Variants in PDZRN3 observed in about 807,000 individuals in gnomAD.
The protein encoded by PDZRN3 is E3 ubiquitin-protein ligase PDZRN3.
PDZRN3 carries 38 observed loss-of-function variants against 85.7 expected under a neutral mutation model. That is an observed-to-expected ratio of 0.44 (90% confidence interval 0.34 to 0.58). The LOEUF is 0.58. Ranked by LOEUF, PDZRN3 falls within the 20% of genes least tolerant of loss-of-function variation. The pLI, the probability that PDZRN3 is intolerant of heterozygous loss-of-function variation, is 0.01. For missense variants in PDZRN3, 1,629 were observed against 1,506.4 expected (o/e 1.08, Z -1.35); for synonymous variants, 759 against 638.0 (o/e 1.19, Z -2.86).
chr3:73,585,059 A>C (rs1702258980), intron 3 of PDZRN3, among the ~76,000 whole-genome samples: 1 of 152,162 alleles, frequency 6.6e-6, no homozygotes, highest in Non-Finnish European at 1.5e-5. Flanking sequence ...TCAGCTTTAA[A>C]TTGGCTGGCA....
chr3:73,419,546 T>C (rs1007297085), intron 3 of PDZRN3, among the ~76,000 whole-genome samples: 1 of 152,230 alleles, frequency 6.6e-6, no homozygotes, highest in Non-Finnish European at 1.5e-5. Flanking sequence ...TTAGTTGCTT[T>C]AGGCAACACT....
intron 3 of PDZRN3, among the ~76,000 whole-genome samples, chr3:73,480,942 G>T (rs987724050): frequency 6.6e-6 from 1 of 152,162 alleles, no homozygotes; most frequent in African/African-American, 2.4e-5. Flanking sequence ...CTGATGGCTT[G>T]TTTATATATA....
At chr3:73,495,002 C>G (rs562386462) in intron 3 of PDZRN3, among the ~76,000 whole-genome samples, 2 of 152,234 alleles carry the variant, frequency 1.3e-5, no homozygotes, top group East Asian at 3.9e-4. Context: ...ATGGCAACAG[C>G]AGACACTGGG....
intron 3 of PDZRN3, among the ~76,000 whole-genome samples, chr3:73,563,013 A>ATATATATATATATAT (rs1187151191): frequency 2.1e-4 from 9 of 43,764 alleles, no homozygotes; most frequent in African/African-American, 4.1e-4. Flanking sequence ...ATATATATAT[A>ATATATATATATATAT]TTTTTTTTTT....
intron 3 of PDZRN3, among the ~76,000 whole-genome samples, chr3:73,447,084 ATT>A (rs1702764897): frequency 1.4e-5 from 2 of 146,076 alleles, no homozygotes; most frequent in African/African-American, 5.0e-5. Context: ...ATATATATAT[ATT>A]AGATATATAT....
Position 73,384,613 on chromosome 3 carries a change from C to T in PDZRN3, c.1953G>A (p.Glu651=), listed in dbSNP as rs1365650078. 1.2e-6 allele frequency: 2 copies of T among 1,613,834 alleles called. No individual in the cohort carries two copies. Among genetic ancestry groups the T allele is most frequent in the South Asian group, 2.2e-5 (2 of 91,088 alleles). ...DECERFRELL[E]LKCQVKSATP... Reference sequence around the variant, plus strand: ...TGGCGCTCTTCACCTGGCACTTGAGCTCCAGGAGCTCGCGGAAGCGCTCGC... The same window carrying T: ...TGGCGCTCTTCACCTGGCACTTGAGTTCCAGGAGCTCGCGGAAGCGCTCGC... The change falls in exon 10 of 10, where the codon GAG becomes GAA. Residue 651 remains glutamate (E), a synonymous_variant. Coordinates refer to ENST00000263666, the MANE Select transcript of PDZRN3 (RefSeq NM_015009.3).
At chr3:73,462,315 G>A (rs936356893) in intron 3 of PDZRN3, among the ~76,000 whole-genome samples, 9 of 151,996 alleles carry the variant, frequency 5.9e-5, no homozygotes, top group African/African-American at 1.4e-4. Flanking sequence ...AGGCCGAGGC[G>A]GGCAGATCAC....
intron 3 of PDZRN3, among the ~76,000 whole-genome samples, chr3:73,424,835 G>A (rs938926565): frequency 5.3e-5 from 8 of 152,174 alleles, no homozygotes; most frequent in Admixed American, 2.6e-4. Context: ...GTGAGATACC[G>A]CTTCATATTC....
intron 3 of PDZRN3, among the ~76,000 whole-genome samples, chr3:73,597,508 G>C (rs543971295): frequency 2.0e-5 from 3 of 152,068 alleles, no homozygotes; most frequent in Non-Finnish European, 4.4e-5. Flanking sequence ...TGGATCCAGG[G>C]AATCAAGATT....
chr3:73,545,316 G>A lies in PDZRN3; in HGVS notation c.918+57038C>T, dbSNP rs774037305. Among the ~76,000 whole-genome samples, 6 of 152,272 alleles carry A rather than the reference G, an allele frequency of 3.9e-5. No individual in the cohort carries two copies. The South Asian group carries it at 8.3e-4, about 21-fold the overall frequency. Reference sequence around the variant, plus strand: ...CTTCCCTAGAAAGGTCATAATCTGCGGATCAGAGGGTTTAAGAAACTCTTT... The same window carrying A: ...CTTCCCTAGAAAGGTCATAATCTGCAGATCAGAGGGTTTAAGAAACTCTTT... On this transcript the variant is annotated intron_variant, in intron 3 of 9. Coordinates refer to ENST00000263666, the MANE Select transcript of PDZRN3 (RefSeq NM_015009.3).
chr3:73,449,940 C>T (rs1702825177), intron 3 of PDZRN3, among the ~76,000 whole-genome samples: 1 of 152,148 alleles, frequency 6.6e-6, no homozygotes, highest in African/African-American at 2.4e-5. Context: ...CAGTCTGATT[C>T]ACACTCCCAA....
intron 3 of PDZRN3, among the ~76,000 whole-genome samples, chr3:73,553,312 A>C (rs1045302976): frequency 6.6e-6 from 1 of 151,960 alleles, no homozygotes; most frequent in Non-Finnish European, 1.5e-5. Context: ...GGTGGCTCAC[A>C]CCTGTAATCC....
At chr3:73,620,338 C>T (rs887341447) in intron 1 of PDZRN3, among the ~76,000 whole-genome samples, 1 of 152,152 alleles carries the variant, frequency 6.6e-6, no homozygotes, top group African/African-American at 2.4e-5. Context: ...AAAGTTATGT[C>T]CAGAATTGTT....
chr3:73,602,342 G>A lies in PDZRN3; in HGVS notation c.918+12C>T, dbSNP rs374528742. The A allele has an allele frequency of 3.4e-5, 47 of 1,390,054 alleles. No homozygotes were observed. The highest frequency in any genetic ancestry group is 4.3e-5 in the Non-Finnish European group (42 of 976,384). The allele number at this position is 1,390,054 out of a possible 1,614,324, so 86.1% of individuals were successfully genotyped here. A position where few individuals can be genotyped will look rare whatever the true frequency, so the allele number is the denominator to read the frequency against. On this transcript the variant is annotated intron_variant, in intron 3 of 9. Coordinates refer to ENST00000263666, the MANE Select transcript of PDZRN3 (RefSeq NM_015009.3). ...TCAGCCTATTCAAAGACACTGGCCA[G>A]TATTCACATACCTCAATAATCCTGT...
intron 3 of PDZRN3, among the ~76,000 whole-genome samples, chr3:73,487,352 G>A (rs987406561): frequency 2.0e-5 from 3 of 152,070 alleles, no homozygotes; most frequent in South Asian, 2.1e-4. Context: ...CCTCTGGGGG[G>A]AAAAGCCACC....
At chr3:73,572,064 C>A (rs1031961855) in intron 3 of PDZRN3, among the ~76,000 whole-genome samples, 1 of 152,184 alleles carries the variant, frequency 6.6e-6, no homozygotes, top group African/African-American at 2.4e-5. Flanking sequence ...TCTTAAAAAT[C>A]ATTTCATTTG....
chr3:73,561,765 C>T (rs543502695), intron 3 of PDZRN3: 5 of 152,162 alleles, frequency 3.3e-5, no homozygotes, highest in African/African-American at 7.2e-5. Context: ...TTCTGAGGCA[C>T]GTGTTTGGGC....
intron 3 of PDZRN3, among the ~76,000 whole-genome samples, chr3:73,503,284 T>A (rs116559782): frequency 6.6e-6 from 1 of 152,214 alleles, no homozygotes; most frequent in Non-Finnish European, 1.5e-5. Flanking sequence ...TACAAGCAAA[T>A]GTATAAGTGG....
At chr3:73,442,514 C>T (rs1702659192) in intron 3 of PDZRN3, among the ~76,000 whole-genome samples, 1 of 152,104 alleles carries the variant, frequency 6.6e-6, no homozygotes, top group Admixed American at 6.5e-5. Context: ...TAGAATAACA[C>T]ACTGGGAAAA....
Sources: allele counts gnomAD v4.1 joint callset (sites outside exome capture counted in the v4.1 genomes callset), GRCh38; gene constraint gnomAD v4.1.1; transcripts MANE v1.5; gene names NCBI Gene and HGNC (gene_info 2026-07-23, HGNC 2026-07-21).